L3MBTL4: variants seen among roughly 807,000 people sequenced by gnomAD.
The protein encoded by L3MBTL4 is L3MBTL histone methyl-lysine binding protein 4.
L3MBTL4 carries 70 observed loss-of-function variants against 84.5 expected under a neutral mutation model. The ratio of observed to expected loss-of-function variants is 0.83; its 90% CI spans 0.68 to 1.01. The LOEUF (loss-of-function observed/expected upper bound fraction) is 1.01. L3MBTL4 is among the 50% of genes least tolerant of loss of function. The pLI is 0.00. For synonymous variants in L3MBTL4, 274 were observed against 259.8 expected, an observed-to-expected ratio of 1.05 and a Z score of -0.52; for missense variants, 715 against 754.8, an observed-to-expected ratio of 0.95 and a Z score of 0.62.
chr18:6,183,404 C>A (rs188499594), intron 12 of L3MBTL4, among the ~76,000 whole-genome samples: 1 of 152,228 alleles, frequency 6.6e-6, no homozygotes, highest in African/African-American at 2.4e-5. Flanking sequence ...GCCGACGCTG[C>A]GCCTTCACTG....
At chr18:6,104,494 G>T (rs1221140518) in intron 14 of L3MBTL4, among the ~76,000 whole-genome samples, 1 of 151,924 alleles carries the variant, frequency 6.6e-6, no homozygotes, top group East Asian at 1.9e-4. Flanking sequence ...AATACTGCAT[G>T]GTTCCACATA....
intron 4 of L3MBTL4, among the ~76,000 whole-genome samples, chr18:6,280,383 T>G (rs2049272571): frequency 6.6e-6 from 1 of 152,220 alleles, no homozygotes; most frequent in Non-Finnish European, 1.5e-5. Context: ...CCCTTTGCCC[T>G]GACTTGAATT....
chr18:6,036,971 G>A (rs2056170496), intron 16 of L3MBTL4, among the ~76,000 whole-genome samples: 1 of 152,210 alleles, frequency 6.6e-6, no homozygotes, highest in East Asian at 1.9e-4. Flanking sequence ...GAAGAAAAGA[G>A]AAAAATGACG....
intron 18 of L3MBTL4, 86 bp from the exon 19 acceptor site, chr18:5,956,473 A>C: frequency 7.8e-7 from 1 of 1,275,472 alleles, no homozygotes; most frequent in Non-Finnish European, 1.1e-6. Context: ...TCTGAGTGTG[A>C]TGTGGAACCC....
intron 15 of L3MBTL4, among the ~76,000 whole-genome samples, chr18:6,083,365 C>T (rs752985523): frequency 1.3e-5 from 2 of 152,126 alleles, no homozygotes; most frequent in Non-Finnish European, 2.9e-5. Context: ...AGCTAATCGA[C>T]TTGTTTGGCT....
intron 1 of L3MBTL4, among the ~76,000 whole-genome samples, chr18:6,324,963 T>C (rs535580355): frequency 5.3e-5 from 8 of 152,258 alleles, no homozygotes; most frequent in Non-Finnish European, 8.8e-5. Flanking sequence ...GAGCTACCAA[T>C]GCATCCCCAC....
At chr18:6,142,212 G>C (rs1466433578) in intron 13 of L3MBTL4, among the ~76,000 whole-genome samples, 2 of 152,196 alleles carry the variant, frequency 1.3e-5, no homozygotes, top group Non-Finnish European at 2.9e-5. Flanking sequence ...CTACAGGCAT[G>C]AGTCTAGTTC....
chr18:6,212,429 C>T (rs2046149057), intron 12 of L3MBTL4, among the ~76,000 whole-genome samples: 2 of 152,202 alleles, frequency 1.3e-5, no homozygotes, highest in South Asian at 4.1e-4. Flanking sequence ...TGAAAAGAAA[C>T]TATACTTGCA....
chr18:6,036,513 T>C (rs183496179), intron 16 of L3MBTL4, among the ~76,000 whole-genome samples: 1 of 152,330 alleles, frequency 6.6e-6, no homozygotes, highest in African/African-American at 2.4e-5. Context: ...GTTAATACAT[T>C]GTTCTCTTGA....
intron 13 of L3MBTL4, among the ~76,000 whole-genome samples, chr18:6,144,196 CA>C (rs35746580): frequency 7.2e-3 from 420 of 58,070 alleles, no homozygotes; most frequent in African/African-American, 0.018. Context: ...ACTCCATCTC[CA>C]AAAAAAAAAA....
intron 1 of L3MBTL4, among the ~76,000 whole-genome samples, chr18:6,400,944 G>A (rs1418222625): frequency 1.3e-5 from 2 of 152,170 alleles, no homozygotes; most frequent in African/African-American, 4.8e-5. Flanking sequence ...GCACTGCTGA[G>A]TGTCGAAGCT....
At chr18:6,074,374 T>C (rs1294986115) in intron 16 of L3MBTL4, among the ~76,000 whole-genome samples, 1 of 152,228 alleles carries the variant, frequency 6.6e-6, no homozygotes, top group Non-Finnish European at 1.5e-5. Flanking sequence ...TAAAATGTTA[T>C]GTGGGTTTAT....
At chr18:6,178,033 T>G (rs1029584529) in intron 12 of L3MBTL4, among the ~76,000 whole-genome samples, 1 of 152,168 alleles carries the variant, frequency 6.6e-6, no homozygotes, top group African/African-American at 2.4e-5. Context: ...GTTAGGTCTT[T>G]CTATTTTAAC....
chr18:5,976,904 C>T (rs601748), intron 16 of L3MBTL4, among the ~76,000 whole-genome samples: 102,054 of 152,050 alleles, frequency 0.67, 35,279 homozygotes, highest in African/African-American at 0.85. Flanking sequence ...AAGGAGTGTG[C>T]GGCAACCCAG....
rs74907261 is a variant in L3MBTL4 at position 6,394,524 on chromosome 18, T to C, written c.-91+20277A>G. Among the ~76,000 whole-genome samples, 1,439 of 152,238 alleles carry C rather than the reference T, an allele frequency of 9.5e-3. 25 individuals are homozygous for C. Among genetic ancestry groups the C allele is most frequent in the African/African-American group, 0.033 (1,362 of 41,552 alleles). ...CGATACATTATTTACCTGTTTGTTA[T>C]GTTTCTTGCTTATTGACGGCCTCTC... On this transcript the variant is annotated intron_variant, in intron 1 of 18. Coordinates refer to ENST00000317931, the MANE Select transcript of L3MBTL4 (RefSeq NM_001330559.2).
chr18:6,392,106 A>G lies in L3MBTL4; in HGVS notation c.-91+22695T>C, dbSNP rs140773281. 2.7e-3 allele frequency among the ~76,000 whole-genome samples: 408 copies of G among 152,354 alleles called. 3 individuals carry two copies. Among genetic ancestry groups the G allele is most frequent in the African/African-American group, 9.3e-3 (387 of 41,586 alleles). On this transcript the variant is annotated intron_variant, in intron 1 of 18. Coordinates refer to ENST00000317931, the MANE Select transcript of L3MBTL4 (RefSeq NM_001330559.2). Reference sequence around the variant, plus strand: ...ACATTACCAGACTTCAAATTATACTATAAGTCTACAGTTACCAAAACAGCA... The same window carrying G: ...ACATTACCAGACTTCAAATTATACTGTAAGTCTACAGTTACCAAAACAGCA...
chr18:6,004,349 G>C (rs568863774), intron 16 of L3MBTL4, among the ~76,000 whole-genome samples: 1 of 152,252 alleles, frequency 6.6e-6, no homozygotes, highest in South Asian at 2.1e-4. Context: ...AATCTGAATG[G>C]ACCTATAGCT....
intron 16 of L3MBTL4, among the ~76,000 whole-genome samples, chr18:6,000,664 T>G (rs1281912855): frequency 3.3e-5 from 5 of 152,200 alleles, no homozygotes; most frequent in African/African-American, 1.2e-4. Flanking sequence ...AATCTATATA[T>G]GTGAATGTAC....
chr18:6,224,205 C>T (rs554478947), intron 10 of L3MBTL4, among the ~76,000 whole-genome samples: 1 of 152,030 alleles, frequency 6.6e-6, no homozygotes, highest in Admixed American at 6.5e-5. Flanking sequence ...AACAAAAATC[C>T]CTGGAAGTGT....
Sources: gnomAD v4.1 joint callset for allele counts (sites outside exome capture counted in the v4.1 genomes callset) on GRCh38, gnomAD v4.1.1 for gene constraint, MANE v1.5 for transcripts, NCBI Gene and HGNC (gene_info 2026-07-23, HGNC 2026-07-21) for gene names.